CHID1: variants seen among roughly 807,000 people sequenced by gnomAD.
CHID1 encodes chitinase domain containing 1, also known as chitinase domain-containing protein 1.
Under a neutral mutation model 55.4 loss-of-function variants are expected in CHID1, and 44 were observed. The ratio of observed to expected loss-of-function variants is 0.79; its 90% CI spans 0.62 to 1.02. The LOEUF (loss-of-function observed/expected upper bound fraction) is 1.02, where lower values mean the gene tolerates loss of function less well. Ranked by LOEUF, CHID1 falls within the 50% of genes least tolerant of loss-of-function variation. The pLI is 0.00. For missense variants in CHID1, 491 were observed against 515.3 expected, an observed-to-expected ratio of 0.95 and a Z score of 0.46; for synonymous variants, 216 against 212.9, an observed-to-expected ratio of 1.01 and a Z score of -0.13.
upstream of CHID1, chr11:914,348 C>T (rs895570066): frequency 1.4e-5 from 5 of 347,862 alleles, no homozygotes; most frequent in Non-Finnish European, 2.7e-5. Context: ...AGGCTCTGCC[C>T]TGTAGGCCCA....
intron 12 of CHID1, 28 bp downstream of exon 12, chr11:870,093 C>A: frequency 6.2e-7 from 1 of 1,612,302 alleles, no homozygotes; most frequent in Non-Finnish European, 8.5e-7. Flanking sequence ...CACCCCTCCC[C>A]CGGTCCCACG....
chr11:869,853 C>T lies in CHID1; in HGVS notation c.*5G>A. On this transcript the variant is annotated 3_prime_UTR_variant, in exon 13 of 13. Coordinates refer to ENST00000323578, the MANE Select transcript of CHID1 (RefSeq NM_023947.4). ...CACGTCCACCGCGGAGGCCGCAATG[C>T]CCACCTAGAGCAGGTCGTAGAAGTA... The T allele has an allele frequency of 6.2e-7, 1 of 1,612,228 alleles. No homozygotes were observed. The highest frequency in any genetic ancestry group is 8.5e-7 in the Non-Finnish European group (1 of 1,179,172).
intron 8 of CHID1, among the ~76,000 whole-genome samples, chr11:890,193 G>A (rs757171180): frequency 1.3e-5 from 2 of 152,218 alleles, no homozygotes; most frequent in Non-Finnish European, 1.5e-5. Flanking sequence ...CCTGGACCTC[G>A]GCCCGTCCAC....
chr11:884,118 G>A lies in CHID1; in HGVS notation c.753C>T (p.Pro251=), dbSNP rs141328460. Reference sequence around the variant, plus strand: ...TCATGAGGCTGAAACCATCCAGCACGGGGGCCAGCTGCTCAAACTCCTTGT... The same window carrying A: ...TCATGAGGCTGAAACCATCCAGCACAGGGGCCAGCTGCTCAAACTCCTTGT... ...FTHKEFEQLA[P]VLDGFSLMTY... is the part of the protein sequence containing the mutation. The change falls in exon 9 of 13, where the codon CCC becomes CCT. Residue 251 remains proline, a synonymous_variant. Coordinates refer to ENST00000323578, the MANE Select transcript of CHID1 (RefSeq NM_023947.4). 74 of 1,614,004 alleles carry A rather than the reference G, an allele frequency of 4.6e-5. No individual in the cohort carries two copies. The highest frequency in any genetic ancestry group is 6.7e-5 in the Admixed American group (4 of 59,988).
intron 7 of CHID1, among the ~76,000 whole-genome samples, chr11:899,120 G>A (rs1851608587): frequency 6.6e-6 from 1 of 152,230 alleles, no homozygotes; most frequent in Admixed American, 6.5e-5. Context: ...CCGGCTGCCT[G>A]CCACAGGCTG....
At chr11:889,077 T>C (rs544146713) in intron 8 of CHID1, among the ~76,000 whole-genome samples, 1 of 152,096 alleles carries the variant, frequency 6.6e-6, no homozygotes, top group East Asian at 1.9e-4. Context: ...CACTGAACAA[T>C]CCCAGGCTGG....
chr11:887,623 C>T (rs975029586), intron 8 of CHID1, among the ~76,000 whole-genome samples: 2 of 152,234 alleles, frequency 1.3e-5, no homozygotes, highest in African/African-American at 4.8e-5. Context: ...AATCTCATGG[C>T]AGCCCTGTCA....
At chr11:913,325 G>C (rs189726994), upstream of CHID1, among the ~76,000 whole-genome samples, 35 of 152,254 alleles carry the variant, frequency 2.3e-4, no homozygotes. Context: ...CAATGCATGA[G>C]TTACTGAAGC....
rs1849000383 is a variant in CHID1 at position 868,919 on chromosome 11, C to T, written c.*939G>A. The T allele has an allele frequency of 6.6e-6, 1 of 152,180 alleles. No homozygotes were observed. The highest frequency in any genetic ancestry group is 1.5e-5 in the Non-Finnish European group (1 of 68,088). 9.4% of individuals were successfully genotyped at this position (152,180 alleles called of 1,614,324 possible). On this transcript the variant is annotated 3_prime_UTR_variant, in exon 13 of 13. Coordinates refer to ENST00000323578, the MANE Select transcript of CHID1 (RefSeq NM_023947.4). The stretch of plus-strand genomic sequence containing the variant: ...CTATGCCCTCTACTGCCCACCTCAG[C>T]CCTGTGGGACCCAGTGGTGAGGAGG...
At chr11:898,813 G>A (rs1383232779) in intron 7 of CHID1, among the ~76,000 whole-genome samples, 1 of 152,212 alleles carries the variant, frequency 6.6e-6, no homozygotes, top group East Asian at 1.9e-4. Flanking sequence ...AAAAGGAGGC[G>A]TGAGGGAGTG....
At chr11:910,497 C>A (rs950967923) in intron 1 of CHID1, 7 of 743,130 alleles carry the variant, frequency 9.4e-6, no homozygotes, top group Non-Finnish European at 7.2e-6. Flanking sequence ...ACCTCCCACT[C>A]GCGGTCCCCC....
At chr11:883,998 C>T in intron 9 of CHID1, 70 bp downstream of exon 9, 3 of 1,241,412 alleles carry the variant, frequency 2.4e-6, no homozygotes, top group African/African-American at 1.5e-5. Flanking sequence ...CCCAGGAGCC[C>T]CCCAGGTCCA....
At chr11:902,029 TCACACTTA>T (rs1421992642) in intron 4 of CHID1, 161 bp downstream of exon 4, 4 of 637,870 alleles carry the variant, frequency 6.3e-6, no homozygotes, top group East Asian at 6.0e-5. Flanking sequence ...ATCATCAGTC[TCACACTTA>T]CACACTCACA....
intron 10 of CHID1, chr11:882,596 A>T (rs1850050969): frequency 6.5e-6 from 1 of 154,062 alleles, no homozygotes; most frequent in Non-Finnish European, 1.4e-5. Context: ...ACGAGCAGGG[A>T]GGACAGCAAC....
chr11:902,918 T>C (rs752449060), intron 3 of CHID1, 44 bp downstream of exon 3: 7 of 1,590,072 alleles, frequency 4.4e-6, no homozygotes, highest in Non-Finnish European at 6.0e-6. Context: ...GCAGCCCACC[T>C]GAGCCTCAGG....
At position 870,195 on chromosome 11, in the gene CHID1, C is replaced by T. The variant is rs756897842; in HGVS notation, c.1041-32G>A. The T allele has an allele frequency of 2.5e-6, 4 of 1,613,098 alleles. No individual in the cohort carries two copies. The East Asian group carries it at 6.7e-5, about 27-fold the overall frequency. ...GACAAAGGGACTGTCAGCCCATCCG[C>T]TCTGCTGGTTCCAGGCCTCCTCCCC... On this transcript the variant is annotated intron_variant, in intron 11 of 12. Coordinates refer to ENST00000323578, the MANE Select transcript of CHID1 (RefSeq NM_023947.4).
chr11:905,569 C>T (rs550481920), intron 1 of CHID1, among the ~76,000 whole-genome samples: 68 of 152,006 alleles, frequency 4.5e-4, no homozygotes, highest in African/African-American at 1.6e-3. Context: ...ACTCGGGAGG[C>T]TGAGGCAAGA....
intron 5 of CHID1, among the ~76,000 whole-genome samples, chr11:900,690 C>T (rs192177165): frequency 2.6e-5 from 4 of 152,290 alleles, no homozygotes; most frequent in Admixed American, 1.3e-4. Context: ...TAGGGCAATG[C>T]CACTGGCCAA....
intron 8 of CHID1, 140 bp from the exon 9 acceptor site, chr11:884,309 G>A (rs1176822181): frequency 1.4e-5 from 9 of 634,794 alleles, no homozygotes; most frequent in Non-Finnish European, 2.2e-5. Flanking sequence ...GGTGGGGACA[G>A]CCTGCAGCTT....
Sources: gnomAD v4.1 joint callset for allele counts (sites outside exome capture counted in the v4.1 genomes callset) on GRCh38, gnomAD v4.1.1 for gene constraint, MANE v1.5 for transcripts, NCBI Gene and HGNC (gene_info 2026-07-23, HGNC 2026-07-21) for gene names.